The following AKAP8L variants were observed in gnomAD, a reference collection of about 807,000 sequenced individuals.
AKAP8L encodes A-kinase anchor protein 8-like.
In AKAP8L, 34 loss-of-function variants were observed where a neutral mutation model predicts 77.5. The observed-to-expected ratio is 0.44, with a 90% CI of 0.33 to 0.58. AKAP8L has a LOEUF of 0.58. Among genes scored for constraint, AKAP8L ranks in the 20% least tolerant of loss-of-function variants. The pLI, the probability that AKAP8L is intolerant of heterozygous loss-of-function variation, is 0.02. For missense variants in AKAP8L, 806 were observed against 887.6 expected, an observed-to-expected ratio of 0.91 and a Z score of 1.17; for synonymous variants, 342 against 340.7, an observed-to-expected ratio of 1.00 and a Z score of -0.04.
chr19:15,384,943 T>C (rs958723847), intron 12 of AKAP8L, among the ~76,000 whole-genome samples: 7 of 151,976 alleles, frequency 4.6e-5, no homozygotes, highest in African/African-American at 1.7e-4. Context: ...CGATATCAGC[T>C]CACTGCGAGC....
At chr19:15,381,143 T>C (rs1455633203) in intron 12 of AKAP8L, 1 of 153,586 alleles carries the variant, frequency 6.5e-6, no homozygotes, top group African/African-American at 2.4e-5. Flanking sequence ...TCCGTATTTT[T>C]TGGAAAGCAG....
chr19:15,403,597 A>G lies in AKAP8L; in HGVS notation c.240T>C (p.Thr80=). The G allele has an allele frequency of 6.2e-7, 1 of 1,613,996 alleles. No homozygotes were observed. The highest frequency in any genetic ancestry group is 8.5e-7 in the Non-Finnish European group (1 of 1,179,890). The change falls in exon 4 of 14, where the codon ACT becomes ACC. Residue 80 remains threonine, a synonymous_variant. Transcript: ENST00000397410. The surrounding 1 kb of genome is among the most constrained non-coding windows in gnomAD (Gnocchi z 4.3). ...EMPSSDTNAN[T]SASGSASADS... is the part of the protein sequence containing the mutation. Reference sequence around the variant, plus strand: ...CGGCACTGGCGCTACCCGAGGCACTAGTGTTTGCATTTGTGTCAGAGCTAG... The same window carrying G: ...CGGCACTGGCGCTACCCGAGGCACTGGTGTTTGCATTTGTGTCAGAGCTAG...
At chr19:15,409,636 T>C (rs1420715626) in intron 2 of AKAP8L, among the ~76,000 whole-genome samples, 3 of 152,322 alleles carry the variant, frequency 2.0e-5, no homozygotes, top group East Asian at 1.9e-4. Context: ...CAGATACCCC[T>C]AGAGTCACAG....
At chr19:15,418,764 T>C (rs116836615) in intron 1 of AKAP8L, 147 bp downstream of exon 1, 1 of 756,836 alleles carries the variant, frequency 1.3e-6, no homozygotes, top group Non-Finnish European at 2.1e-6. Context: ...GCAGCGACCC[T>C]GAGGCGACGG....
At chr19:15,418,664 G>C (rs1057207461) in intron 1 of AKAP8L, among the ~76,000 whole-genome samples, 1 of 152,188 alleles carries the variant, frequency 6.6e-6, no homozygotes, top group Non-Finnish European at 1.5e-5. Context: ...CCGGACCCAC[G>C]GACACAGGCG....
chr19:15,398,973 GC>G lies in AKAP8L; in HGVS notation c.1157+328del, dbSNP rs1967832418. On this transcript the variant is annotated intron_variant, in intron 9 of 13. Transcript: ENST00000397410. This position sits in a 1 kb window ranked among gnomAD's most constrained non-coding sequence, Gnocchi z 9.2. ...TGGACCTTGAGTCTCTGATGAGCTG[GC>G]CCCCTCCCTCAGGGGCATCAGGCCC... 2.5e-6 allele frequency: 1 copy of G among 393,168 alleles called. No individual in the cohort carries two copies. Among genetic ancestry groups the G allele is most frequent in the Non-Finnish European group, 4.5e-6 (1 of 222,766 alleles). 24.4% of individuals were successfully genotyped at this position (393,168 alleles called of 1,614,324 possible). A position where few individuals can be genotyped will look rare whatever the true frequency, so the allele number is the denominator to read the frequency against.
chr19:15,415,453 C>T (rs1968186166), intron 1 of AKAP8L, among the ~76,000 whole-genome samples: 1 of 151,954 alleles, frequency 6.6e-6, no homozygotes, highest in Non-Finnish European at 1.5e-5. Flanking sequence ...AAAACAAATG[C>T]TTCTCAGTTT....
Position 15,397,066 on chromosome 19 carries a change from G to T in AKAP8L, c.1536+84C>A. On this transcript the variant is annotated intron_variant, in intron 12 of 13. Transcript: ENST00000397410. This position sits in a 1 kb window ranked among gnomAD's most constrained non-coding sequence, Gnocchi z 4.7. ...CCTCCACTGCAGTCCCTCACGGGCT[G>T]GCAGAGGTTCCAACTGCACAACCTC... The T allele has an allele frequency of 6.4e-7, 1 of 1,569,636 alleles. No homozygotes were observed. Among genetic ancestry groups the T allele is most frequent in the South Asian group, 1.1e-5 (1 of 88,122 alleles).
At chr19:15,384,675 C>A (rs1160300679) in intron 12 of AKAP8L, among the ~76,000 whole-genome samples, 2 of 151,992 alleles carry the variant, frequency 1.3e-5, no homozygotes, top group Non-Finnish European at 2.9e-5. Context: ...AGTTTTTTTT[C>A]CATTTAAATT....
chr19:15,400,546 G>A (rs899646739), intron 7 of AKAP8L, 188 bp from the exon 8 acceptor site: 20 of 722,698 alleles, frequency 2.8e-5, no homozygotes, highest in African/African-American at 2.1e-4. Flanking sequence ...GACAAGGCCC[G>A]GCTATGTGCC....
At position 15,403,505 on chromosome 19, in the gene AKAP8L, T is replaced by C. The variant is rs368953913; in HGVS notation, c.332A>G (p.Gln111Arg). ...MVPHLETDMM[Q>R]GGVYGSGGER... ...TCCACCTGAGCCGTACACGCCTCCT[T>C]GCATCATGTCTGTCTCCAAATGCGG... Residue 111 changes from glutamine to arginine, a missense_variant, in exon 4 of 14, where the codon CAA becomes CGA. Gln to Arg is a conservative substitution (Grantham distance 43, BLOSUM62 1). Around this residue, in one of 2 missense-constraint regions of AKAP8L, gnomAD observed 580 missense variants for 694.1 expected, o/e 0.84. Transcript: ENST00000397410. This position sits in a 1 kb window ranked among gnomAD's most constrained non-coding sequence, Gnocchi z 4.3. The C allele has an allele frequency of 5.3e-5, 85 of 1,613,866 alleles. No homozygotes were observed. The Middle Eastern group carries it at 6.6e-4, about 12-fold the overall frequency.
rs751130320 is a variant in AKAP8L at position 15,403,680 on chromosome 19, G to GGCCATA, written c.151_156dup (p.Tyr51_Gly52dup). On this transcript the variant is annotated inframe_insertion, in exon 4 of 14. Coordinates refer to ENST00000397410, the MANE Select transcript of AKAP8L (RefSeq NM_014371.4). The surrounding 1 kb of genome is among the most constrained non-coding windows in gnomAD (Gnocchi z 4.3). ...TACCCATAGTTGGTGGTGTTATCCT[G>GGCCATA]GCCATAGCCATAGCCATAGCCATAG... 1.0e-3 allele frequency: 1,653 copies of GGCCATA among 1,607,440 alleles called. 2 individuals are homozygous for GGCCATA. The highest frequency in any genetic ancestry group is 1.2e-3 in the Non-Finnish European group (1,436 of 1,176,806).
intron 2 of AKAP8L, among the ~76,000 whole-genome samples, chr19:15,405,382 A>G (rs1967976146): frequency 6.6e-6 from 1 of 151,856 alleles, no homozygotes; most frequent in Non-Finnish European, 1.5e-5. Context: ...AAAAATACAA[A>G]ATTAGCCAGG....
chr19:15,411,013 C>T (rs1248777706), intron 1 of AKAP8L, among the ~76,000 whole-genome samples: 2 of 152,098 alleles, frequency 1.3e-5, no homozygotes, highest in African/African-American at 4.8e-5. Flanking sequence ...GGGGTTTCAT[C>T]ATGTTGCCCT....
chr19:15,380,608 A>G lies in AKAP8L; in HGVS notation c.1541T>C (p.Met514Thr). ...TMDHNRNRRLMMEQSKKSSLM... is the reference protein window; with the variant it reads ...TMDHNRNRRLTMEQSKKSSLM... The stretch of plus-strand genomic sequence containing the variant: ...GGAGGACTTCTTGGACTGCTCCATC[A>G]TGAGCTGCGGGCAGGGCAGAAGGAG... The change falls in exon 13 of 14, where the codon ATG becomes ACG. Residue 514 changes from methionine (M) to threonine (T), a missense_variant. Coordinates refer to ENST00000397410, the MANE Select transcript of AKAP8L (RefSeq NM_014371.4). 6.2e-7 allele frequency: 1 copy of G among 1,613,496 alleles called. No homozygotes were observed. The highest frequency in any genetic ancestry group is 1.7e-5 in the Admixed American group (1 of 60,002).
In AKAP8L at chr19:15,400,686, T is replaced by C. The variant is rs147772481; in HGVS notation, c.984+108A>G. The C allele has an allele frequency of 9.0e-5, 119 of 1,323,726 alleles. 1 individual carries two copies. In the African/African-American group the frequency reaches 1.4e-3, roughly 16 times the overall value. The allele number at this position is 1,323,726 out of a possible 1,614,324, so 82.0% of individuals were successfully genotyped here. On this transcript the variant is annotated intron_variant, in intron 7 of 13. Transcript: ENST00000397410. ...CACTGCCTCCCCATGCTGGTCACCA[T>C]GCACGCAGAGCTGACACAGCATTGC...
chr19:15,392,255 G>A (rs1395512265), intron 12 of AKAP8L, among the ~76,000 whole-genome samples: 1 of 152,210 alleles, frequency 6.6e-6, no homozygotes, highest in Non-Finnish European at 1.5e-5. Context: ...CAGCACTTTG[G>A]GAAGCTGAGG....
intron 1 of AKAP8L, among the ~76,000 whole-genome samples, chr19:15,416,633 T>C (rs763425287): frequency 1.3e-5 from 2 of 152,182 alleles, no homozygotes; most frequent in Non-Finnish European, 2.9e-5. Flanking sequence ...AAATCACCTA[T>C]CCATTCCAAA....
At chr19:15,391,185 G>A (rs1967651022) in intron 12 of AKAP8L, among the ~76,000 whole-genome samples, 1 of 152,122 alleles carries the variant, frequency 6.6e-6, no homozygotes, top group African/African-American at 2.4e-5. Context: ...ACTAGGTTGG[G>A]CACGGTGGCT....
Sources: allele counts gnomAD v4.1 joint callset (sites outside exome capture counted in the v4.1 genomes callset), GRCh38; gene constraint gnomAD v4.1.1; regional missense constraint gnomAD v4.1.1; non-coding constraint Gnocchi (gnomAD v3.1); transcripts MANE v1.5; gene names NCBI Gene and HGNC (gene_info 2026-07-23, HGNC 2026-07-21).